The following CNTN5 variants were observed in gnomAD, a reference collection of about 807,000 sequenced individuals.
CNTN5 encodes contactin 5.
CNTN5 carries 77 observed loss-of-function variants against 129.1 expected under a neutral mutation model. The observed-to-expected ratio is 0.60, with a 90% CI of 0.50 to 0.72. CNTN5 has a LOEUF of 0.72. Among genes scored for constraint, CNTN5 ranks in the 30% least tolerant of loss-of-function variants. The pLI is 0.00. For synonymous variants in CNTN5, 509 were observed against 465.6 expected (o/e 1.09, Z -1.20); for missense variants, 1,478 against 1,328.8 (o/e 1.11, Z -1.75).
intron 13 of CNTN5, among the ~76,000 whole-genome samples, chr11:100,087,036 A>T (rs1376871063): frequency 4.6e-5 from 7 of 151,790 alleles, no homozygotes; most frequent in Non-Finnish European, 1.0e-4. Flanking sequence ...AATTACAAAC[A>T]AATATAAGCA....
At chr11:99,273,592 A>C (rs772095551) in intron 1 of CNTN5, among the ~76,000 whole-genome samples, 4 of 151,682 alleles carry the variant, frequency 2.6e-5, no homozygotes, top group Non-Finnish European at 2.9e-5. Context: ...GTAAAAATAT[A>C]TTGTTCCCAA....
chr11:99,795,795 C>T (rs746067609), intron 3 of CNTN5, among the ~76,000 whole-genome samples: 1 of 151,998 alleles, frequency 6.6e-6, no homozygotes, highest in Non-Finnish European at 1.5e-5. Context: ...CATGTTGTAA[C>T]CCTGAGAGCA....
At position 99,692,426 on chromosome 11, in the gene CNTN5, G is replaced by A. The variant is rs568968720; in HGVS notation, c.56-127118G>A. ...CTTCCTTAGGAGCACTTGTAACACC[G>A]GTCTGGTGGTGACAGTTTCCCGCAG... On this transcript the variant is annotated intron_variant, in intron 3 of 24. Transcript: ENST00000524871. 4.6e-5 allele frequency among the ~76,000 whole-genome samples: 7 copies of A among 152,216 alleles called. No individual in the cohort carries two copies. In the South Asian group the frequency reaches 1.5e-3, roughly 32 times the overall value.
intron 9 of CNTN5, among the ~76,000 whole-genome samples, chr11:100,055,936 G>A (rs1343018562): frequency 2.6e-5 from 4 of 151,134 alleles, no homozygotes; most frequent in South Asian, 2.1e-4. Flanking sequence ...TATACTACAT[G>A]TCTACTAACT....
Position 100,356,114 on chromosome 11 carries a change from C to T in CNTN5, c.3200-3C>T, listed in dbSNP as rs771060891. 3 of 1,600,258 alleles carry T rather than the reference C, an allele frequency of 1.9e-6. No individual in the cohort carries two copies. The highest frequency in any genetic ancestry group is 1.7e-4 in the Middle Eastern group (1 of 6,050). ...GCTCCATTTGATGCTTCTTTTTTCA[C>T]AGGTGGAAAAATCACAAGTGCACAG... On this transcript the variant is annotated splice_region_variant and splice_polypyrimidine_tract_variant and intron_variant, in intron 24 of 24. Coordinates refer to ENST00000524871, the MANE Select transcript of CNTN5 (RefSeq NM_014361.4).
intron 6 of CNTN5, among the ~76,000 whole-genome samples, chr11:99,905,267 T>C (rs1949468656): frequency 6.6e-6 from 1 of 152,184 alleles, no homozygotes; most frequent in South Asian, 2.1e-4. Context: ...GTTTTTGTGG[T>C]TTTAGGTCTT....
At chr11:99,511,257 G>C (rs1281735161) in intron 2 of CNTN5, among the ~76,000 whole-genome samples, 2 of 151,890 alleles carry the variant, frequency 1.3e-5, no homozygotes, top group Non-Finnish European at 2.9e-5. Context: ...TGTTCTCGTT[G>C]GTTTCAAAGA....
intron 1 of CNTN5, among the ~76,000 whole-genome samples, chr11:99,229,170 T>C (rs1860846648): frequency 6.6e-6 from 1 of 152,122 alleles, no homozygotes; most frequent in African/African-American, 2.4e-5. Flanking sequence ...TAATGTGTTA[T>C]ATTGAGTAAA....
intron 13 of CNTN5, among the ~76,000 whole-genome samples, chr11:100,162,297 A>G (rs2138367756): frequency 6.6e-6 from 1 of 152,032 alleles, no homozygotes; most frequent in Non-Finnish European, 1.5e-5. Context: ...CCAATCAATG[A>G]TAATGCAGCC....
At chr11:99,814,014 G>C (rs1946508170) in intron 3 of CNTN5, among the ~76,000 whole-genome samples, 2 of 152,098 alleles carry the variant, frequency 1.3e-5, no homozygotes, top group Admixed American at 1.3e-4. Context: ...TGAGAGAAAT[G>C]ATAAGGTCAT....
At chr11:99,167,940 A>AT (rs755867784) in intron 1 of CNTN5, among the ~76,000 whole-genome samples, 3,800 of 147,480 alleles carry the variant, frequency 0.026, 120 homozygotes, top group African/African-American at 0.079. Flanking sequence ...TCTTATAATG[A>AT]TTTTTTTTTT....
In CNTN5 at chr11:100,258,618, A is replaced by T. The variant is rs1033185867; in HGVS notation, c.2164+2700A>T. ...GCAGAAACTCTACAAGCCAGAAGAG[A>T]GTGGGGGCCAACATTCAACATTCAA... On this transcript the variant is annotated intron_variant, in intron 17 of 24. Coordinates refer to ENST00000524871, the MANE Select transcript of CNTN5 (RefSeq NM_014361.4). 6.1e-5 allele frequency among the ~76,000 whole-genome samples: 9 copies of T among 147,788 alleles called. No individual in the cohort carries two copies. The Admixed American group carries it at 6.3e-4, about 10-fold the overall frequency.
At chr11:99,176,351 G>T (rs1857773155) in intron 1 of CNTN5, among the ~76,000 whole-genome samples, 1 of 151,966 alleles carries the variant, frequency 6.6e-6, no homozygotes, top group Admixed American at 6.6e-5. Flanking sequence ...TACCATCATG[G>T]ATGACTTCTA....
intron 15 of CNTN5, among the ~76,000 whole-genome samples, chr11:100,198,116 A>G (rs1359129495): frequency 1.3e-5 from 2 of 151,972 alleles, no homozygotes. Context: ...ATATTCACTG[A>G]CCACTTCTTA....
chr11:99,555,950 C>A (rs1167906612), intron 2 of CNTN5, among the ~76,000 whole-genome samples, 195 bp from the exon 3 acceptor site: 3 of 151,720 alleles, frequency 2.0e-5, no homozygotes, highest in African/African-American at 7.3e-5. Flanking sequence ...GATCACATTT[C>A]CTAAGTACTT....
At chr11:100,148,834 TTTGA>T (rs1231377271) in intron 13 of CNTN5, among the ~76,000 whole-genome samples, 7 of 149,334 alleles carry the variant, frequency 4.7e-5, no homozygotes, top group African/African-American at 1.7e-4. Flanking sequence ...TAAATATTTA[TTTGA>T]TTGTTTGGTA....
intron 2 of CNTN5, among the ~76,000 whole-genome samples, chr11:99,523,653 A>ATAGAACAGAT (rs1947364004): frequency 4.5e-5 from 4 of 88,918 alleles, no homozygotes; most frequent in South Asian, 3.9e-4. Context: ...ATAGAATAGA[A>ATAGAACAGAT]CAGAACAGAT....
intron 1 of CNTN5, among the ~76,000 whole-genome samples, chr11:99,308,409 T>C (rs977356356): frequency 6.6e-6 from 1 of 152,178 alleles, no homozygotes; most frequent in African/African-American, 2.4e-5. Context: ...TAGTACCATA[T>C]TGAGCAGAGC....
At chr11:99,199,624 C>T (rs1859068769) in intron 1 of CNTN5, among the ~76,000 whole-genome samples, 2 of 152,112 alleles carry the variant, frequency 1.3e-5, no homozygotes, top group Admixed American at 6.5e-5. Context: ...CAGCAGACCA[C>T]CTGGGGCAGA....
Sources: allele counts gnomAD v4.1 joint callset (sites outside exome capture counted in the v4.1 genomes callset), GRCh38; gene constraint gnomAD v4.1.1; transcripts MANE v1.5; gene names NCBI Gene and HGNC (gene_info 2026-07-23, HGNC 2026-07-21).